TENM3: variants seen among roughly 807,000 people sequenced by gnomAD.
The protein encoded by TENM3 is teneurin-3.
A neutral mutation model predicts 255.1 loss-of-function variants in TENM3; 63 were observed. The observed-to-expected ratio is 0.25, with a 90% CI of 0.20 to 0.30. The LOEUF is 0.30. Among genes scored for constraint, TENM3 ranks in the 10% least tolerant of loss-of-function variants. TENM3 has a pLI of 1.00. For synonymous variants in TENM3, 1,306 were observed against 1,322.3 expected, an observed-to-expected ratio of 0.99 and a Z score of 0.27; for missense variants, 2,929 against 3,461.1, an observed-to-expected ratio of 0.85 and a Z score of 3.86.
At chr4:182,038,915 C>T in the TENM3 span, among the ~76,000 whole-genome samples, 1 of 152,030 alleles carries the variant, frequency 6.6e-6, no homozygotes, top group East Asian at 1.9e-4. Flanking sequence ...GTATTTTCAG[C>T]AGAGATGAGG....
rs532745449 is a variant in TENM3 at position 182,614,875 on chromosome 4, G to A, written c.749+13714G>A. Among the ~76,000 whole-genome samples, 4 of 151,578 alleles carry A rather than the reference G, an allele frequency of 2.6e-5. No homozygotes were observed. The South Asian group carries it at 6.2e-4, about 24-fold the overall frequency. On this transcript the variant is annotated intron_variant, in intron 4 of 27. Transcript: ENST00000511685. ...CTCAGTAAGAATTCAGTTTCTTCACGTTGTTTCATAGATCCGAAGCTACCA... is the reference window on the plus strand; with the variant it reads ...CTCAGTAAGAATTCAGTTTCTTCACATTGTTTCATAGATCCGAAGCTACCA...
the TENM3 span, among the ~76,000 whole-genome samples, chr4:182,046,481 A>T: frequency 1.3e-5 from 2 of 151,890 alleles, no homozygotes; most frequent in African/African-American, 4.8e-5. Context: ...AGGTGGGAGG[A>T]TCACTTGAGG....
At chr4:182,175,314 A>AAAT (rs60217194) in intron 1 of TENM3, among the ~76,000 whole-genome samples, 41,722 of 116,198 alleles carry the variant, frequency 0.36, 9,076 homozygotes, top group Non-Finnish European at 0.5. Flanking sequence ...AAAAAAAAAA[A>AAAT]ATATATATAT....
At chr4:181,952,991 G>T in the TENM3 span, among the ~76,000 whole-genome samples, 3 of 152,306 alleles carry the variant, frequency 2.0e-5, no homozygotes, top group African/African-American at 7.2e-5. Context: ...GGCTACTGAT[G>T]CGACTGATTG....
chr4:182,270,232 C>G (rs1759526393), intron 1 of TENM3, among the ~76,000 whole-genome samples: 1 of 152,086 alleles, frequency 6.6e-6, no homozygotes, highest in South Asian at 2.1e-4. Flanking sequence ...TCTCTTAGAT[C>G]CTAATCCCAG....
At chr4:181,709,026 T>G in the TENM3 span, among the ~76,000 whole-genome samples, 1 of 152,206 alleles carries the variant, frequency 6.6e-6, no homozygotes, top group Non-Finnish European at 1.5e-5. Context: ...TAAGCAGAAT[T>G]TATAAAAACC....
At chr4:181,711,957 T>G in the TENM3 span, among the ~76,000 whole-genome samples, 1 of 152,196 alleles carries the variant, frequency 6.6e-6, no homozygotes, top group African/African-American at 2.4e-5. Flanking sequence ...GGAAAATGTT[T>G]TCAGTGATCC....
At chr4:181,712,295 G>A in the TENM3 span, among the ~76,000 whole-genome samples, 3 of 152,098 alleles carry the variant, frequency 2.0e-5, no homozygotes, top group Admixed American at 6.5e-5. Context: ...ATTGGATCAT[G>A]GGGGTGGATC....
intron 3 of TENM3, among the ~76,000 whole-genome samples, chr4:182,397,656 T>G (rs1768935559): frequency 1.3e-5 from 2 of 152,132 alleles, no homozygotes; most frequent in Non-Finnish European, 2.9e-5. Context: ...GAGCTGGTAT[T>G]AAAACACAGG....
the TENM3 span, among the ~76,000 whole-genome samples, chr4:181,722,668 T>G: frequency 6.6e-6 from 1 of 152,348 alleles, no homozygotes; most frequent in East Asian, 1.9e-4. Context: ...ACTCATATTT[T>G]AATGTATATA....
chr4:182,321,106 T>C (rs1360388634), intron 1 of TENM3, among the ~76,000 whole-genome samples: 1 of 152,190 alleles, frequency 6.6e-6, no homozygotes, highest in African/African-American at 2.4e-5. Flanking sequence ...TTAATGATCA[T>C]TTAGTTTTCG....
intron 24 of TENM3, among the ~76,000 whole-genome samples, chr4:182,785,644 G>A (rs578260619): frequency 5.4e-5 from 8 of 149,136 alleles, no homozygotes; most frequent in Non-Finnish European, 1.2e-4. Flanking sequence ...GACAGTCGAG[G>A]CTGCAGTGAG....
intron 3 of TENM3, among the ~76,000 whole-genome samples, chr4:182,523,913 A>G (rs991086045): frequency 3.3e-5 from 5 of 152,220 alleles, no homozygotes; most frequent in Non-Finnish European, 7.3e-5. Context: ...TATCATATAA[A>G]GATTCTATAG....
chr4:182,374,709 ACTT>A (rs1767062098), intron 3 of TENM3, among the ~76,000 whole-genome samples: 1 of 152,132 alleles, frequency 6.6e-6, no homozygotes, highest in Non-Finnish European at 1.5e-5. Context: ...TGTATATATT[ACTT>A]CTTCAAATTT....
chr4:182,686,054 A>G (rs937012269), intron 11 of TENM3, among the ~76,000 whole-genome samples: 4 of 152,038 alleles, frequency 2.6e-5, no homozygotes, highest in African/African-American at 9.7e-5. Context: ...TTGAAAATCT[A>G]ATTTTACCTG....
chr4:182,241,841 T>C (rs539437505), upstream of TENM3, among the ~76,000 whole-genome samples: 1 of 152,094 alleles, frequency 6.6e-6, no homozygotes, highest in African/African-American at 2.4e-5. Flanking sequence ...ACAGGTAAAA[T>C]GCACAAGGCT....
the TENM3 span, among the ~76,000 whole-genome samples, chr4:181,601,246 T>C: frequency 8.5e-5 from 13 of 152,376 alleles, no homozygotes; most frequent in African/African-American, 2.6e-4. Context: ...GGCAGGGCTG[T>C]ACTCTACTCC....
chr4:182,065,183 T>C, the TENM3 span, among the ~76,000 whole-genome samples: 3 of 152,054 alleles, frequency 2.0e-5, no homozygotes, highest in Admixed American at 1.3e-4. Context: ...TATAGGCATG[T>C]GGCACCATGC....
At chr4:182,586,063 G>C (rs779380713) in intron 3 of TENM3, among the ~76,000 whole-genome samples, 12 of 152,162 alleles carry the variant, frequency 7.9e-5, no homozygotes, top group Admixed American at 1.3e-4. Context: ...GGACCATGTG[G>C]GGCAATATAG....
Sources: gnomAD v4.1 joint callset for allele counts (sites outside exome capture counted in the v4.1 genomes callset) on GRCh38, gnomAD v4.1.1 for gene constraint, MANE v1.5 for transcripts, NCBI Gene and HGNC (gene_info 2026-07-23, HGNC 2026-07-21) for gene names.